Variants in NRXN3 observed in about 807,000 individuals in gnomAD.
NRXN3 encodes the protein neurexin 3, also known as neurexin III.
NRXN3 carries 32 observed loss-of-function variants against 137.6 expected under a neutral mutation model. That is an observed-to-expected ratio of 0.23 (90% CI 0.18 to 0.31). The LOEUF (loss-of-function observed/expected upper bound fraction) is 0.31, where lower values mean the gene tolerates loss of function less well. Ranked by LOEUF, NRXN3 falls within the 10% of genes least tolerant of loss-of-function variation. NRXN3 has a pLI of 1.00. For missense variants in NRXN3, 1,574 were observed against 2,062.5 expected (o/e 0.76, Z 4.59); for synonymous variants, 798 against 784.5 (o/e 1.02, Z -0.29).
intron 4 of NRXN3, among the ~76,000 whole-genome samples, chr14:78,621,081 T>C (rs1225150956): frequency 6.6e-6 from 1 of 152,190 alleles, no homozygotes; most frequent in Non-Finnish European, 1.5e-5. Context: ...GGGGTGAAGA[T>C]TGAATATGAG....
intron 4 of NRXN3, among the ~76,000 whole-genome samples, chr14:78,308,370 A>G (rs926825998): frequency 2.0e-5 from 3 of 152,122 alleles, no homozygotes; most frequent in Admixed American, 6.6e-5. Context: ...CCTAAGCTTT[A>G]TGGTAATGTA....
At chr14:78,493,338 A>G (rs868140805) in intron 4 of NRXN3, among the ~76,000 whole-genome samples, 1 of 149,312 alleles carries the variant, frequency 6.7e-6, no homozygotes, top group Non-Finnish European at 1.5e-5. Context: ...CCTGGCTAAC[A>G]TGGTGAAACC....
At chr14:79,182,957 GACTT>G (rs1358623135) in intron 15 of NRXN3, among the ~76,000 whole-genome samples, 1 of 152,074 alleles carries the variant, frequency 6.6e-6, no homozygotes, top group Non-Finnish European at 1.5e-5. Context: ...TTGAGAAACA[GACTT>G]ACTACAAACA....
chr14:78,455,880 C>T (rs2094685721), intron 4 of NRXN3, among the ~76,000 whole-genome samples: 1 of 152,202 alleles, frequency 6.6e-6, no homozygotes, highest in African/African-American at 2.4e-5. Flanking sequence ...CTCCAAATTC[C>T]AGACTTTGCT....
intron 4 of NRXN3, among the ~76,000 whole-genome samples, chr14:78,483,194 C>T (rs2095502187): frequency 6.6e-6 from 1 of 152,102 alleles, no homozygotes; most frequent in Admixed American, 6.5e-5. Context: ...ACAACAAAAC[C>T]CCAAAAAACC....
chr14:79,779,950 C>T (rs575089929), intron 19 of NRXN3, among the ~76,000 whole-genome samples: 2 of 152,110 alleles, frequency 1.3e-5, no homozygotes, highest in African/African-American at 2.4e-5. Context: ...CAGCAACTTC[C>T]GCCTCCTAGG....
intron 15 of NRXN3, among the ~76,000 whole-genome samples, chr14:79,275,112 T>C (rs1380064162): frequency 5.3e-5 from 8 of 152,204 alleles, no homozygotes; most frequent in Admixed American, 5.2e-4. Flanking sequence ...TCTACTGACA[T>C]GTAATAAAGC....
At chr14:79,380,924 C>A (rs1213069693) in intron 15 of NRXN3, among the ~76,000 whole-genome samples, 1 of 151,922 alleles carries the variant, frequency 6.6e-6, no homozygotes, top group Non-Finnish European at 1.5e-5. Context: ...TGTCAGACTG[C>A]CATTTTCTCC....
chr14:79,735,219 G>A (rs1163235628), intron 19 of NRXN3, among the ~76,000 whole-genome samples: 6 of 152,104 alleles, frequency 3.9e-5, no homozygotes, highest in African/African-American at 1.4e-4. Context: ...GGGCTTAAAG[G>A]CAAAAGTAAA....
At chr14:79,606,677 T>C (rs544874679) in intron 16 of NRXN3, among the ~76,000 whole-genome samples, 38 of 152,368 alleles carry the variant, frequency 2.5e-4, no homozygotes, top group African/African-American at 8.9e-4. Flanking sequence ...AAATGGGTTG[T>C]GCACAGGTAC....
At chr14:78,627,797 C>T (rs1343871989) in intron 4 of NRXN3, among the ~76,000 whole-genome samples, 4 of 152,150 alleles carry the variant, frequency 2.6e-5, no homozygotes, top group Non-Finnish European at 4.4e-5. Context: ...AAGCACTTTT[C>T]ATAGATAATA....
chr14:78,993,054 T>C (rs1320664648), intron 15 of NRXN3, among the ~76,000 whole-genome samples: 4 of 152,216 alleles, frequency 2.6e-5, no homozygotes, highest in African/African-American at 9.6e-5. Flanking sequence ...ATAGATGTTC[T>C]TTGCTTGCAA....
intron 4 of NRXN3, among the ~76,000 whole-genome samples, chr14:78,382,432 C>G (rs1391198468): frequency 1.3e-5 from 2 of 152,114 alleles, no homozygotes; most frequent in Non-Finnish European, 1.5e-5. Flanking sequence ...GGGGACCTTT[C>G]TTGTTTCCAA....
intron 6 of NRXN3, among the ~76,000 whole-genome samples, chr14:78,653,996 G>A (rs538149096): frequency 4.8e-4 from 73 of 152,272 alleles, no homozygotes; most frequent in African/African-American, 1.7e-3. Flanking sequence ...CTCCTGCCCC[G>A]TCTGTTTTCC....
chr14:78,444,670 A>G (rs2094361184), intron 4 of NRXN3, among the ~76,000 whole-genome samples: 1 of 152,080 alleles, frequency 6.6e-6, no homozygotes, highest in Non-Finnish European at 1.5e-5. Flanking sequence ...CTGTAATCCC[A>G]GCACTTTGGG....
chr14:79,590,072 C>T (rs2097790587), intron 16 of NRXN3, among the ~76,000 whole-genome samples: 1 of 151,882 alleles, frequency 6.6e-6, no homozygotes, highest in Non-Finnish European at 1.5e-5. Context: ...TCCCCCATTA[C>T]TTTGTACAAC....
chr14:78,481,954 G>C (rs2095480297), intron 4 of NRXN3, among the ~76,000 whole-genome samples: 1 of 152,096 alleles, frequency 6.6e-6, no homozygotes, highest in South Asian at 2.1e-4. Flanking sequence ...TGAATCACTT[G>C]AGCAAGATAT....
intron 4 of NRXN3, among the ~76,000 whole-genome samples, chr14:78,392,554 T>C (rs1029566150): frequency 1.1e-4 from 17 of 152,178 alleles, no homozygotes; most frequent in African/African-American, 4.1e-4. Flanking sequence ...TGGCTGATTC[T>C]TTGGTTAAAT....
intron 4 of NRXN3, among the ~76,000 whole-genome samples, chr14:78,418,640 G>C (rs536348465): frequency 4.6e-5 from 7 of 152,180 alleles, no homozygotes; most frequent in African/African-American, 1.4e-4. Flanking sequence ...GTAGGCTGCT[G>C]TTTGGTCTTT....
Sources: allele counts gnomAD v4.1 joint callset (sites outside exome capture counted in the v4.1 genomes callset), GRCh38; gene constraint gnomAD v4.1.1; transcripts MANE v1.5; gene names NCBI Gene and HGNC (gene_info 2026-07-23, HGNC 2026-07-21).